UNC5C: variants seen among roughly 807,000 people sequenced by gnomAD.
UNC5C encodes netrin receptor UNC5C.
UNC5C carries 47 observed loss-of-function variants against 99.8 expected under a neutral mutation model. That is an observed-to-expected ratio of 0.47 (90% confidence interval 0.37 to 0.60). The LOEUF (loss-of-function observed/expected upper bound fraction) is 0.60. Ranked by LOEUF, UNC5C falls within the 20% of genes least tolerant of loss-of-function variation. The pLI, the probability that UNC5C is intolerant of heterozygous loss-of-function variation, is 0.00. For missense variants in UNC5C, 1,062 were observed against 1,165.9 expected (o/e 0.91, Z 1.30); for synonymous variants, 487 against 452.2 (o/e 1.08, Z -0.98).
chr4:95,484,121 G>A (rs1721258463), intron 1 of UNC5C, among the ~76,000 whole-genome samples: 1 of 151,756 alleles, frequency 6.6e-6, no homozygotes, highest in Non-Finnish European at 1.5e-5. Flanking sequence ...AATAAAATGG[G>A]TAATGAGGAA....
intron 1 of UNC5C, among the ~76,000 whole-genome samples, chr4:95,467,980 A>G (rs1226256194): frequency 6.6e-6 from 1 of 152,102 alleles, no homozygotes; most frequent in Non-Finnish European, 1.5e-5. Flanking sequence ...CATTTTCTTC[A>G]TGTGGCTGAG....
chr4:95,492,509 T>C (rs1012001754), intron 1 of UNC5C, among the ~76,000 whole-genome samples: 2 of 151,458 alleles, frequency 1.3e-5, no homozygotes, highest in African/African-American at 4.8e-5. Flanking sequence ...GCATAAAATA[T>C]ATACTAGATA....
At chr4:95,345,092 T>C (rs1425855174) in intron 1 of UNC5C, among the ~76,000 whole-genome samples, 1 of 151,796 alleles carries the variant, frequency 6.6e-6, no homozygotes, top group Non-Finnish European at 1.5e-5. Context: ...TAAGACCCAA[T>C]GATCTGTTGC....
chr4:95,541,822 TAA>T (rs1722929079), intron 1 of UNC5C, among the ~76,000 whole-genome samples: 2 of 152,122 alleles, frequency 1.3e-5, no homozygotes, highest in South Asian at 4.1e-4. Flanking sequence ...TGAACAGAAA[TAA>T]AAAGAGAGAA....
rs1291657426 is a variant in UNC5C at position 95,167,001 on chromosome 4, T to C, written c.*2233A>G. The C allele has an allele frequency of 7.0e-6, 1 of 142,686 alleles. No individual in the cohort carries two copies. Among genetic ancestry groups the C allele is most frequent in the Non-Finnish European group, 1.5e-5 (1 of 64,708 alleles). 8.8% of individuals were successfully genotyped at this position (142,686 alleles called of 1,614,324 possible). On this transcript the variant is annotated 3_prime_UTR_variant, in exon 16 of 16. Coordinates refer to ENST00000453304, the MANE Select transcript of UNC5C (RefSeq NM_003728.4). ...ATTTTATAGAATATATGTATGTATG[T>C]CCAAAACAGAAGATACGGAATAAAA...
chr4:95,291,745 CAA>C (rs1039599291), intron 3 of UNC5C, among the ~76,000 whole-genome samples: 2 of 151,998 alleles, frequency 1.3e-5, no homozygotes, highest in African/African-American at 4.8e-5. Context: ...TTATATAAAA[CAA>C]GAGTATTAAT....
At chr4:95,485,010 T>A (rs572266590) in intron 1 of UNC5C, among the ~76,000 whole-genome samples, 1 of 152,008 alleles carries the variant, frequency 6.6e-6, no homozygotes, top group Non-Finnish European at 1.5e-5. Flanking sequence ...ATATATAAAC[T>A]CTTTGGGCTT....
chr4:95,247,414 C>T (rs73837511), intron 5 of UNC5C, among the ~76,000 whole-genome samples: 4,664 of 152,154 alleles, frequency 0.031, 235 homozygotes, highest in African/African-American at 0.11. Context: ...ACAAAATTCC[C>T]TGCCATGGAA....
chr4:95,180,207 G>C (rs1334702242), intron 14 of UNC5C, among the ~76,000 whole-genome samples: 1 of 152,166 alleles, frequency 6.6e-6, no homozygotes, highest in Non-Finnish European at 1.5e-5. Flanking sequence ...AATTTACAAT[G>C]GGGAAACTGA....
chr4:95,546,603 C>T (rs1271909362), intron 1 of UNC5C, among the ~76,000 whole-genome samples: 1 of 152,208 alleles, frequency 6.6e-6, no homozygotes, highest in Non-Finnish European at 1.5e-5. Flanking sequence ...ACAAGAACTG[C>T]AGTGAAATGC....
chr4:95,423,693 A>G (rs1012649372), intron 1 of UNC5C, among the ~76,000 whole-genome samples: 1 of 152,214 alleles, frequency 6.6e-6, no homozygotes, highest in African/African-American at 2.4e-5. Context: ...TGAAGAGTAC[A>G]TTTCCAGAGG....
chr4:95,381,085 A>G (rs147380154), intron 1 of UNC5C, among the ~76,000 whole-genome samples: 4 of 152,236 alleles, frequency 2.6e-5, no homozygotes, highest in Non-Finnish European at 4.4e-5. Flanking sequence ...ATTACTTTGT[A>G]TAACTACATT....
At chr4:95,284,164 G>A (rs1741153600) in intron 3 of UNC5C, among the ~76,000 whole-genome samples, 1 of 151,964 alleles carries the variant, frequency 6.6e-6, no homozygotes, top group Admixed American at 6.5e-5. Context: ...CAAATTAGCT[G>A]TGATGCAGAA....
intron 2 of UNC5C, among the ~76,000 whole-genome samples, chr4:95,321,299 A>G (rs1046236029): frequency 6.6e-6 from 1 of 152,224 alleles, no homozygotes; most frequent in African/African-American, 2.4e-5. Context: ...ACTTCATGAC[A>G]ACAATAGATT....
Position 95,501,491 on chromosome 4 carries a change from T to C in UNC5C, c.124+47243A>G, listed in dbSNP as rs577478031. 2.6e-5 allele frequency among the ~76,000 whole-genome samples: 4 copies of C among 152,266 alleles called. No homozygotes were observed. The East Asian group carries it at 5.8e-4, about 22-fold the overall frequency. ...CTAATTAGCTTAACAAAACTTTTCA[T>C]AGGGCAAAGGTCATTTTCAACCTAA... On this transcript the variant is annotated intron_variant, in intron 1 of 15. Transcript: ENST00000453304.
At chr4:95,225,465 C>A (rs1046301348) in intron 7 of UNC5C, among the ~76,000 whole-genome samples, 5 of 151,968 alleles carry the variant, frequency 3.3e-5, no homozygotes, top group Admixed American at 6.6e-5. Flanking sequence ...TCAAATGGAG[C>A]AAGGTGATAG....
intron 1 of UNC5C, among the ~76,000 whole-genome samples, chr4:95,391,737 T>C (rs1745364281): frequency 7.0e-6 from 1 of 143,566 alleles, no homozygotes; most frequent in Non-Finnish European, 1.5e-5. Context: ...AAATATAAAG[T>C]GAGCTTTGTC....
At chr4:95,523,338 T>G (rs527853432) in intron 1 of UNC5C, among the ~76,000 whole-genome samples, 2 of 152,268 alleles carry the variant, frequency 1.3e-5, no homozygotes, top group African/African-American at 4.8e-5. Context: ...GGGGGATGTG[T>G]GCACTGGGCC....
chr4:95,483,035 AT>A (rs1173128111), intron 1 of UNC5C, among the ~76,000 whole-genome samples: 5 of 79,730 alleles, frequency 6.3e-5, no homozygotes, highest in African/African-American at 1.6e-4. Context: ...AATAATAATA[AT>A]AATAATAAAA....
Sources: allele counts gnomAD v4.1 joint callset (sites outside exome capture counted in the v4.1 genomes callset), GRCh38; gene constraint gnomAD v4.1.1; transcripts MANE v1.5; gene names NCBI Gene and HGNC (gene_info 2026-07-23, HGNC 2026-07-21).